ITK: variants seen among roughly 807,000 people sequenced by gnomAD.
The protein encoded by ITK is tyrosine-protein kinase ITK/TSK.
A neutral mutation model predicts 87.6 loss-of-function variants in ITK; 45 were observed. The observed-to-expected ratio is 0.51, with a 90% CI of 0.40 to 0.66. The LOEUF (loss-of-function observed/expected upper bound fraction) is 0.66, where lower values mean the gene tolerates loss of function less well. Among genes scored for constraint, ITK ranks in the 30% least tolerant of loss-of-function variants. The pLI is 0.00. For missense variants in ITK, 605 were observed against 766.3 expected (o/e 0.79, Z 2.48); for synonymous variants, 303 against 273.6 (o/e 1.11, Z -1.06).
intron 8 of ITK, 113 bp downstream of exon 8, chr5:157,232,507 A>T: frequency 1.7e-6 from 1 of 582,592 alleles, no homozygotes; most frequent in Non-Finnish European, 3.2e-6. Flanking sequence ...ACTTGAGCCC[A>T]GGAGTTCAAG....
chr5:157,214,120 TG>T, intron 3 of ITK, 70 bp from the exon 4 acceptor site: 1 of 1,216,130 alleles, frequency 8.2e-7, no homozygotes, highest in Non-Finnish European at 1.2e-6. Flanking sequence ...AATCTCGAGG[TG>T]TTATAAAATT....
Position 157,214,197 on chromosome 5 carries a change from G to A in ITK, c.332G>A (p.Arg111Lys), listed in dbSNP as rs1273395485. 5.6e-6 allele frequency: 9 copies of A among 1,612,412 alleles called. No individual in the cohort carries two copies. The highest frequency in any genetic ancestry group is 6.8e-6 in the Non-Finnish European group (8 of 1,178,462). The change falls in exon 4 of 17, where the codon AGG (arginine) becomes AAG (lysine). Residue 111 changes from arginine (R) to lysine (K), a missense_variant. Transcript: ENST00000422843. ...RWVLALKEET[R>K]NNNSLVPKYH... Reference sequence around the variant, plus strand: ...TGGTGCCAACCTGTTTCAGAAACGAGGAATAATAACAGTTTGGTGCCTAAA... The same window carrying A: ...TGGTGCCAACCTGTTTCAGAAACGAAGAATAATAACAGTTTGGTGCCTAAA...
intron 8 of ITK, among the ~76,000 whole-genome samples, chr5:157,233,959 ATATATTTTTTTTTTTTT>A (rs1754721268): frequency 1.0e-4 from 3 of 28,678 alleles, no homozygotes; most frequent in Non-Finnish European, 1.3e-4. Flanking sequence ...ATATATATAT[ATATATTTTTTTTTTTTT>A]TTTTTTTTTT....
rs115290350 is a variant in ITK at position 157,223,555 on chromosome 5, T to C, written c.647+541T>C. Among the ~76,000 whole-genome samples the C allele has an allele frequency of 2.8e-3, 423 of 152,238 alleles. 1 individual carries two copies. The highest frequency in any genetic ancestry group is 9.8e-3 in the African/African-American group (406 of 41,530). ...AAAATAAGGTTGTACAAATACTACT[T>C]TCCCACTATGCAACTTTTGAATGAA... On this transcript the variant is annotated intron_variant, in intron 6 of 16. Coordinates refer to ENST00000422843, the MANE Select transcript of ITK (RefSeq NM_005546.4).
chr5:157,222,845 G>A lies in ITK; in HGVS notation c.496-18G>A. 2 of 1,613,896 alleles carry A rather than the reference G, an allele frequency of 1.2e-6. No homozygotes were observed. The highest frequency in any genetic ancestry group is 1.7e-6 in the Non-Finnish European group (2 of 1,179,930). ...CTTTTTTATGTCTTTGCTTGGTTTT[G>A]TTGTCTCTCTTCCCCAGCGACCACT... On this transcript the variant is annotated intron_variant, in intron 5 of 16. Transcript: ENST00000422843.
intron 2 of ITK, among the ~76,000 whole-genome samples, 198 bp downstream of exon 2, chr5:157,209,191 G>C (rs551355810): frequency 2.6e-5 from 4 of 152,092 alleles, no homozygotes; most frequent in African/African-American, 9.7e-5. Context: ...AATTAGCTGG[G>C]CGTACTGGCG....
chr5:157,186,682 A>AAGAGAGAG lies in ITK; in HGVS notation c.138+5588_138+5595dup, dbSNP rs61141972. ...CAAGAGTGAAACTCCGTCTCAAAAA[A>AAGAGAGAG]AGAGAGAGAGAGAGAGAGAGAGAGA... is the stretch of plus-strand genomic sequence containing the variant. On this transcript the variant is annotated intron_variant, in intron 1 of 16. Coordinates refer to ENST00000422843, the MANE Select transcript of ITK (RefSeq NM_005546.4). 1.6e-3 allele frequency among the ~76,000 whole-genome samples: 231 copies of AAGAGAGAG among 148,648 alleles called. 1 individual carries two copies. The highest frequency in any genetic ancestry group is 2.6e-3 in the Non-Finnish European group (175 of 67,182).
At chr5:157,224,733 C>G (rs1350729079) in intron 6 of ITK, among the ~76,000 whole-genome samples, 1 of 152,174 alleles carries the variant, frequency 6.6e-6, no homozygotes, top group African/African-American at 2.4e-5. Flanking sequence ...GTGGGCCAAG[C>G]TCACACCACT....
At chr5:157,192,578 C>T (rs554413303) in intron 1 of ITK, among the ~76,000 whole-genome samples, 47 of 152,304 alleles carry the variant, frequency 3.1e-4, no homozygotes, top group African/African-American at 1.0e-3. Flanking sequence ...GCTTTCTTGT[C>T]CATAAAATCA....
At chr5:157,218,586 A>G (rs965706479) in intron 5 of ITK, among the ~76,000 whole-genome samples, 1 of 151,400 alleles carries the variant, frequency 6.6e-6, no homozygotes, top group African/African-American at 2.4e-5. Context: ...TTGATATTTT[A>G]TATATTTCAA....
At chr5:157,207,377 C>CTCT (rs1754101416) in intron 1 of ITK, among the ~76,000 whole-genome samples, 2 of 59,124 alleles carry the variant, frequency 3.4e-5, no homozygotes, top group African/African-American at 1.3e-4. Context: ...AGATACGTCT[C>CTCT]TTTTTTTTTT....
At chr5:157,185,359 C>T (rs1328460288) in intron 1 of ITK, among the ~76,000 whole-genome samples, 2 of 151,844 alleles carry the variant, frequency 1.3e-5, no homozygotes, top group African/African-American at 4.8e-5. Flanking sequence ...CTGCCTCAGC[C>T]TCTTGAGTAG....
At position 157,220,937 on chromosome 5, in the gene ITK, C is replaced by A. The variant is rs1487714248; in HGVS notation, c.496-1926C>A. Among the ~76,000 whole-genome samples the A allele has an allele frequency of 2.0e-5, 3 of 152,158 alleles. No individual in the cohort carries two copies. In the East Asian group the frequency reaches 5.8e-4, roughly 29 times the overall value. Reference sequence around the variant, plus strand: ...GCAGTGGTGCAATCATAGCTCACTGCACCATCTGTCTCTTGGGCTCAAGCC... The same window carrying A: ...GCAGTGGTGCAATCATAGCTCACTGAACCATCTGTCTCTTGGGCTCAAGCC... On this transcript the variant is annotated intron_variant, in intron 5 of 16. Transcript: ENST00000422843.
chr5:157,239,952 C>A, intron 9 of ITK, 110 bp from the exon 10 acceptor site: 1 of 1,096,698 alleles, frequency 9.1e-7, no homozygotes, highest in East Asian at 2.5e-5. Context: ...TATCTGCCAC[C>A]TTGTGAGAGG....
chr5:157,197,853 TGC>T (rs2113744198), intron 1 of ITK, among the ~76,000 whole-genome samples: 1 of 152,348 alleles, frequency 6.6e-6, no homozygotes, highest in Non-Finnish European at 1.5e-5. Context: ...TAATAAATAA[TGC>T]TTCTGTGAAA....
At chr5:157,201,222 C>A (rs1199152358) in intron 1 of ITK, among the ~76,000 whole-genome samples, 3 of 151,598 alleles carry the variant, frequency 2.0e-5, no homozygotes, top group Admixed American at 1.3e-4. Flanking sequence ...TCTATGAAAA[C>A]CTACAACTAA....
intron 15 of ITK, among the ~76,000 whole-genome samples, chr5:157,247,013 C>T (rs1020476287): frequency 6.6e-6 from 1 of 152,098 alleles, no homozygotes; most frequent in Non-Finnish European, 1.5e-5. Flanking sequence ...AAAAATATAC[C>T]AGACAACCTC....
intron 12 of ITK, 152 bp from the exon 13 acceptor site, chr5:157,244,110 A>C: frequency 1.3e-6 from 1 of 755,874 alleles, no homozygotes; most frequent in Admixed American, 2.0e-5. Flanking sequence ...AGCTCCAATG[A>C]CATGTTTTTG....
chr5:157,186,936 G>A (rs56371502), intron 1 of ITK, among the ~76,000 whole-genome samples: 17,941 of 152,214 alleles, frequency 0.12, 1,322 homozygotes, highest in East Asian at 0.22. Context: ...TTCATCAGAC[G>A]TTGATGTGTC....
Sources: allele counts gnomAD v4.1 joint callset (sites outside exome capture counted in the v4.1 genomes callset), GRCh38; gene constraint gnomAD v4.1.1; transcripts MANE v1.5; gene names NCBI Gene and HGNC (gene_info 2026-07-23, HGNC 2026-07-21).